Variants in MYLK observed in about 807,000 individuals in gnomAD.
MYLK encodes myosin light chain kinase.
In MYLK, 106 loss-of-function variants were observed where a neutral mutation model predicts 203.4. The observed-to-expected ratio is 0.52, with a 90% CI of 0.45 to 0.61. The LOEUF (loss-of-function observed/expected upper bound fraction) is 0.61. Ranked by LOEUF, MYLK falls within the 20% of genes least tolerant of loss-of-function variation. The pLI, the probability that MYLK is intolerant of heterozygous loss-of-function variation, is 0.00. For synonymous variants in MYLK, 867 were observed against 959.5 expected (o/e 0.90, Z 1.78); for missense variants, 2,072 against 2,442.3 (o/e 0.85, Z 3.20).
At chr3:123,652,894 G>A (rs892807900) in intron 24 of MYLK, among the ~76,000 whole-genome samples, 16 of 152,140 alleles carry the variant, frequency 1.1e-4, no homozygotes, top group African/African-American at 3.9e-4. Flanking sequence ...CTGGCATAGA[G>A]AAGCCACTGG....
chr3:123,815,712 G>T (rs1042562581), intron 3 of MYLK, among the ~76,000 whole-genome samples: 1 of 152,094 alleles, frequency 6.6e-6, no homozygotes, highest in African/African-American at 2.4e-5. Flanking sequence ...AGAAAAATGA[G>T]GACAACATGG....
In MYLK at chr3:123,733,063, T is replaced by C. The variant is rs2062543471; in HGVS notation, c.1349A>G (p.Glu450Gly). The C allele has an allele frequency of 6.2e-7, 1 of 1,613,854 alleles. No homozygotes were observed. The highest frequency in any genetic ancestry group is 8.5e-7 in the Non-Finnish European group (1 of 1,179,950). ...TTCCTGTCTCCTCACGGGGGTGCCT[T>C]CCAGGAACCAGGCCACTTCAGGCTT... is the stretch of plus-strand genomic sequence containing the variant. ...IPKPEVAWFL[E>G]GTPVRRQEGS... is the part of the protein sequence containing the mutation. Residue 450 changes from glutamate to glycine, a missense_variant, in exon 11 of 34, where the codon GAA becomes GGA. Glu to Gly is a moderately conservative substitution (Grantham distance 98). Around this residue, in one of 3 missense-constraint regions of MYLK, gnomAD observed 683 missense variants for 643.8 expected, o/e 1.06. Transcript: ENST00000360304.
At chr3:123,860,501 A>G (rs2031798266) in intron 2 of MYLK, among the ~76,000 whole-genome samples, 3 of 152,226 alleles carry the variant, frequency 2.0e-5, no homozygotes, top group Non-Finnish European at 2.9e-5. Flanking sequence ...TGTTCTAGCT[A>G]TACAATGAAA....
chr3:123,614,077 T>A lies in MYLK; in HGVS notation c.*28A>T, dbSNP rs2057328825. The A allele has an allele frequency of 6.2e-7, 1 of 1,607,034 alleles. No homozygotes were observed. Among genetic ancestry groups the A allele is most frequent in the East Asian group, 2.2e-5 (1 of 44,818 alleles). ...AGAGAAATAGTCCTTTTAATATGACTTAGAAACTGCTTTTCTCTGGCTTTG... is the reference window on the plus strand; with the variant it reads ...AGAGAAATAGTCCTTTTAATATGACATAGAAACTGCTTTTCTCTGGCTTTG... On this transcript the variant is annotated 3_prime_UTR_variant, in exon 34 of 34. Coordinates refer to ENST00000360304, the MANE Select transcript of MYLK (RefSeq NM_053025.4).
At chr3:123,833,852 T>C (rs2066408313) in intron 2 of MYLK, among the ~76,000 whole-genome samples, 1 of 152,062 alleles carries the variant, frequency 6.6e-6, no homozygotes, top group African/African-American at 2.4e-5. Flanking sequence ...ACAATTCTCC[T>C]TGTCAAATGA....
At chr3:123,716,676 C>G (rs1206932800) in intron 13 of MYLK, among the ~76,000 whole-genome samples, 1 of 152,204 alleles carries the variant, frequency 6.6e-6, no homozygotes, top group Non-Finnish European at 1.5e-5. Context: ...GCCACACTCT[C>G]AGTTACACTG....
intron 3 of MYLK, among the ~76,000 whole-genome samples, chr3:123,794,222 C>A (rs1354066298): frequency 1.3e-5 from 2 of 152,188 alleles, no homozygotes; most frequent in Non-Finnish European, 2.9e-5. Flanking sequence ...GTCACTAACT[C>A]TTCAGGACCA....
intron 2 of MYLK, among the ~76,000 whole-genome samples, chr3:123,833,570 C>A (rs1262562338): frequency 1.3e-5 from 2 of 152,134 alleles, no homozygotes; most frequent in African/African-American, 4.8e-5. Flanking sequence ...CATTTCCATT[C>A]TTTTGCCCAG....
intron 3 of MYLK, among the ~76,000 whole-genome samples, chr3:123,818,252 G>GAAGAC (rs1195450973): frequency 2.0e-5 from 3 of 152,216 alleles, no homozygotes; most frequent in Non-Finnish European, 4.4e-5. Context: ...ACAAATGTTT[G>GAAGAC]AAGACAGGCA....
intron 4 of MYLK, among the ~76,000 whole-genome samples, chr3:123,774,874 T>G (rs773731099): frequency 6.6e-6 from 1 of 152,164 alleles, no homozygotes; most frequent in Non-Finnish European, 1.5e-5. Context: ...TCACTACTAG[T>G]GTTTGTTTAT....
chr3:123,616,117 A>C (rs1278307316), intron 33 of MYLK, among the ~76,000 whole-genome samples: 2 of 152,190 alleles, frequency 1.3e-5, no homozygotes, highest in Non-Finnish European at 2.9e-5. Flanking sequence ...AAATAGGTGA[A>C]TTTTATAGTA....
At chr3:123,852,855 T>C (rs1318030594) in intron 2 of MYLK, among the ~76,000 whole-genome samples, 1 of 152,204 alleles carries the variant, frequency 6.6e-6, no homozygotes, top group Non-Finnish European at 1.5e-5. Context: ...AGAATTTAGA[T>C]GGAATATAGA....
At chr3:123,754,101 C>A (rs1032924570) in intron 4 of MYLK, among the ~76,000 whole-genome samples, 3 of 152,208 alleles carry the variant, frequency 2.0e-5, no homozygotes, top group Non-Finnish European at 2.9e-5. Flanking sequence ...TGCTAAAAAG[C>A]GCCGGTCGTT....
intron 31 of MYLK, chr3:123,621,610 C>G (rs2057863745): frequency 6.6e-6 from 1 of 152,230 alleles, no homozygotes; most frequent in Non-Finnish European, 1.5e-5. Flanking sequence ...AGGAAACATA[C>G]AGAAAATTGT....
chr3:123,624,735 C>T (rs1446889553), intron 31 of MYLK: 1 of 152,244 alleles, frequency 6.6e-6, no homozygotes, highest in African/African-American at 2.4e-5. Flanking sequence ...GATGTTTCAA[C>T]TCACCTTGCA....
chr3:123,851,391 C>T (rs1254781541), intron 2 of MYLK, among the ~76,000 whole-genome samples: 3 of 152,120 alleles, frequency 2.0e-5, no homozygotes. Context: ...GAAGGTCCTT[C>T]CATTTGTTTG....
chr3:123,718,364 T>G (rs2061976018), intron 13 of MYLK, among the ~76,000 whole-genome samples: 1 of 152,206 alleles, frequency 6.6e-6, no homozygotes. Context: ...GATCCCTCCC[T>G]GCAGGGAGCT....
At chr3:123,824,929 G>T (rs1046709443) in intron 3 of MYLK, among the ~76,000 whole-genome samples, 22 of 152,144 alleles carry the variant, frequency 1.4e-4, no homozygotes, top group Admixed American at 1.1e-3. Context: ...TGGGAGGATT[G>T]CTTGAGCCCA....
At chr3:123,684,881 G>C (rs1246655105) in intron 19 of MYLK, among the ~76,000 whole-genome samples, 1 of 152,216 alleles carries the variant, frequency 6.6e-6, no homozygotes, top group Non-Finnish European at 1.5e-5. Context: ...ATGCAGTTCT[G>C]CACTCCTTGG....
Sources: gnomAD v4.1 joint callset for allele counts (sites outside exome capture counted in the v4.1 genomes callset) on GRCh38, gnomAD v4.1.1 for gene constraint, gnomAD v4.1.1 regional missense constraint, MANE v1.5 for transcripts, NCBI Gene and HGNC (gene_info 2026-07-23, HGNC 2026-07-21) for gene names.